KCNT2: variants seen among roughly 807,000 people sequenced by gnomAD.
KCNT2 encodes potassium sodium-activated channel subfamily T member 2, also known as potassium channel subfamily T member 2.
Under a neutral mutation model 153.8 loss-of-function variants are expected in KCNT2, and 67 were observed. The observed-to-expected ratio is 0.44, with a 90% CI of 0.36 to 0.53. The LOEUF (loss-of-function observed/expected upper bound fraction) is 0.53, where lower values mean the gene tolerates loss of function less well. KCNT2 is among the 20% of genes least tolerant of loss of function. The pLI is 0.00. For missense variants in KCNT2, 975 were observed against 1,354.8 expected (o/e 0.72, Z 4.40); for synonymous variants, 500 against 458.8 (o/e 1.09, Z -1.15).
intron 1 of KCNT2, among the ~76,000 whole-genome samples, chr1:196,542,368 C>T (rs1656494858): frequency 6.6e-6 from 1 of 152,106 alleles, no homozygotes; most frequent in South Asian, 2.1e-4. Context: ...CATCTATGGA[C>T]ACAAAACGTC....
chr1:196,485,439 C>A (rs1453354910), intron 3 of KCNT2, among the ~76,000 whole-genome samples: 1 of 151,970 alleles, frequency 6.6e-6, no homozygotes, highest in Non-Finnish European at 1.5e-5. Flanking sequence ...ATGTGTATAT[C>A]TGAAATTTGT....
intron 12 of KCNT2, among the ~76,000 whole-genome samples, chr1:196,418,719 C>G (rs1368856853): frequency 1.3e-5 from 2 of 152,076 alleles, no homozygotes; most frequent in Admixed American, 1.3e-4. Context: ...TAGAGCCCAC[C>G]CTAATGGCTT....
chr1:196,363,760 T>A (rs1042019362), intron 14 of KCNT2, among the ~76,000 whole-genome samples: 3 of 152,146 alleles, frequency 2.0e-5, no homozygotes, highest in Non-Finnish European at 2.9e-5. Flanking sequence ...AATAAATCTG[T>A]CTTTATAAAT....
chr1:196,502,958 C>A (rs934042462), intron 1 of KCNT2, among the ~76,000 whole-genome samples: 2 of 151,776 alleles, frequency 1.3e-5, no homozygotes, highest in Admixed American at 1.3e-4. Context: ...TGCCCCCTGC[C>A]CAACTGTATG....
At chr1:196,456,533 A>G (rs1465314197) in intron 8 of KCNT2, among the ~76,000 whole-genome samples, 1 of 151,868 alleles carries the variant, frequency 6.6e-6, no homozygotes, top group Non-Finnish European at 1.5e-5. Flanking sequence ...TTGTCTTCTC[A>G]TTTTTAGGTG....
chr1:196,244,061 C>A (rs1655202208), intron 26 of KCNT2, among the ~76,000 whole-genome samples: 1 of 152,054 alleles, frequency 6.6e-6, no homozygotes, highest in African/African-American at 2.4e-5. Context: ...GGCTCTAGCT[C>A]CCAGATGACA....
At chr1:196,523,443 G>A (rs1479675440) in intron 1 of KCNT2, among the ~76,000 whole-genome samples, 3 of 152,216 alleles carry the variant, frequency 2.0e-5, no homozygotes, top group African/African-American at 7.2e-5. Flanking sequence ...GAAAAGTGTA[G>A]ACTGGTGACA....
At chr1:196,603,777 CA>C (rs1665006487) in intron 1 of KCNT2, among the ~76,000 whole-genome samples, 1 of 152,178 alleles carries the variant, frequency 6.6e-6, no homozygotes, top group Non-Finnish European at 1.5e-5. Context: ...TCTATGGCTA[CA>C]ACTGAGGATT....
intron 25 of KCNT2, among the ~76,000 whole-genome samples, chr1:196,260,884 A>C (rs974167427): frequency 6.6e-6 from 1 of 151,896 alleles, no homozygotes; most frequent in Non-Finnish European, 1.5e-5. Context: ...TATCACATTA[A>C]TATATAAAGA....
intron 1 of KCNT2, among the ~76,000 whole-genome samples, chr1:196,523,462 C>T (rs552253705): frequency 1.7e-3 from 253 of 152,222 alleles, no homozygotes; most frequent in South Asian, 5.6e-3. Context: ...CACCTACAGA[C>T]ATGGATTGAA....
chr1:196,390,685 C>G (rs987821241), intron 13 of KCNT2, among the ~76,000 whole-genome samples: 1 of 141,464 alleles, frequency 7.1e-6, no homozygotes, highest in African/African-American at 2.5e-5. Flanking sequence ...TATTCTCACA[C>G]TACTTCTCCA....
At chr1:196,469,859 T>C (rs1415651746) in intron 5 of KCNT2, among the ~76,000 whole-genome samples, 1 of 152,180 alleles carries the variant, frequency 6.6e-6, no homozygotes, top group African/African-American at 2.4e-5. Flanking sequence ...TATTCTTCTA[T>C]GAAGAGATCT....
chr1:196,606,740 G>C (rs1474318271), intron 1 of KCNT2, among the ~76,000 whole-genome samples: 1 of 152,134 alleles, frequency 6.6e-6, no homozygotes, highest in East Asian at 1.9e-4. Context: ...TTTCTACAAA[G>C]AGGATTTCTA....
intron 1 of KCNT2, among the ~76,000 whole-genome samples, chr1:196,607,423 C>A (rs1018083914): frequency 3.3e-5 from 5 of 152,100 alleles, no homozygotes; most frequent in Non-Finnish European, 7.4e-5. Flanking sequence ...GAAGTTTGTG[C>A]AAAGCAGTAA....
At chr1:196,412,473 C>T (rs536162485) in intron 12 of KCNT2, among the ~76,000 whole-genome samples, 2 of 149,196 alleles carry the variant, frequency 1.3e-5, no homozygotes, top group African/African-American at 4.8e-5. Flanking sequence ...CTTTTCCTTC[C>T]TTGTATAAAA....
intron 26 of KCNT2, among the ~76,000 whole-genome samples, chr1:196,252,860 T>C (rs552653277): frequency 7.3e-5 from 11 of 151,420 alleles, no homozygotes; most frequent in African/African-American, 2.4e-4. Flanking sequence ...TTTTTTTTCC[T>C]ACTCTCAAGA....
chr1:196,565,656 A>G (rs879590201), intron 1 of KCNT2, among the ~76,000 whole-genome samples: 13 of 150,912 alleles, frequency 8.6e-5, no homozygotes, highest in Non-Finnish European at 1.6e-4. Context: ...ATGAAATACT[A>G]TAATTTGGGA....
At chr1:196,276,515 T>C (rs563203444) in intron 25 of KCNT2, among the ~76,000 whole-genome samples, 1 of 152,150 alleles carries the variant, frequency 6.6e-6, no homozygotes, top group East Asian at 1.9e-4. Context: ...TCTCCCTTTA[T>C]GCTTGGGGGT....
At chr1:196,480,660 C>T (rs532991890) in intron 4 of KCNT2, among the ~76,000 whole-genome samples, 1 of 151,950 alleles carries the variant, frequency 6.6e-6, no homozygotes, top group South Asian at 2.1e-4. Flanking sequence ...TCGAGACCAT[C>T]CTGGCTAACA....
Sources: allele counts gnomAD v4.1 joint callset (sites outside exome capture counted in the v4.1 genomes callset), GRCh38; gene constraint gnomAD v4.1.1; transcripts MANE v1.5; gene names NCBI Gene and HGNC (gene_info 2026-07-23, HGNC 2026-07-21).